The following ADARB2 variants were observed in gnomAD, a reference collection of about 807,000 sequenced individuals.
The protein encoded by ADARB2 is adenosine deaminase RNA specific B2 (inactive), also known as inactive double-stranded RNA-specific editase B2.
Under a neutral mutation model 62.2 loss-of-function variants are expected in ADARB2, and 25 were observed. The observed-to-expected ratio is 0.40, with a 90% CI of 0.29 to 0.56. The LOEUF (loss-of-function observed/expected upper bound fraction) is 0.56. Ranked by LOEUF, ADARB2 falls within the 20% of genes least tolerant of loss-of-function variation. The probability of loss-of-function intolerance (pLI) is 0.43; values close to 1 mark genes in which losing one functional copy is unlikely to be tolerated. For synonymous variants in ADARB2, 572 were observed against 500.8 expected, an observed-to-expected ratio of 1.14 and a Z score of -1.90; for missense variants, 1,071 against 1,077.4, an observed-to-expected ratio of 0.99 and a Z score of 0.08.
At chr10:1,644,139 T>C (rs1834008567) in intron 1 of ADARB2, among the ~76,000 whole-genome samples, 1 of 152,152 alleles carries the variant, frequency 6.6e-6, no homozygotes, top group Admixed American at 6.5e-5. Flanking sequence ...ATGATCAAAT[T>C]CCCTCTGTCA....
intron 6 of ADARB2, among the ~76,000 whole-genome samples, chr10:1,219,623 A>G (rs530184284): frequency 6.6e-6 from 1 of 152,340 alleles, no homozygotes; most frequent in South Asian, 2.1e-4. Context: ...TTCCCCAGAT[A>G]AAGCACAAAT....
intron 1 of ADARB2, among the ~76,000 whole-genome samples, chr10:1,725,672 C>G (rs1171155093): frequency 2.0e-5 from 3 of 152,236 alleles, no homozygotes; most frequent in Non-Finnish European, 4.4e-5. Context: ...ACTTCCAGGA[C>G]AGAAGGCCAC....
In ADARB2 at chr10:1,202,180, C is replaced by T. The variant is rs376429362; in HGVS notation, c.1683-2033G>A. On this transcript the variant is annotated intron_variant, in intron 7 of 9. Coordinates refer to ENST00000381312, the MANE Select transcript of ADARB2 (RefSeq NM_018702.4). The stretch of plus-strand genomic sequence containing the variant: ...TTGGTCTTGAACTCCTGGGCTCAAG[C>T]GATCCTCCCACCTCAGCCTCCTTAA... Among the ~76,000 whole-genome samples the T allele has an allele frequency of 3.3e-4, 50 of 151,810 alleles. 1 individual carries two copies. Among genetic ancestry groups the T allele is most frequent in the East Asian group, 2.3e-3 (12 of 5,172 alleles).
chr10:1,267,969 T>C (rs1831222568), intron 4 of ADARB2, among the ~76,000 whole-genome samples: 1 of 152,174 alleles, frequency 6.6e-6, no homozygotes, highest in South Asian at 2.1e-4. Context: ...GGTGTAAAGA[T>C]GTAACACGTA....
rs1205824365 is a variant in ADARB2 at position 1,654,650 on chromosome 10, C to A, written c.100+82401G>T. 4.6e-5 allele frequency among the ~76,000 whole-genome samples: 7 copies of A among 152,262 alleles called. No individual in the cohort carries two copies. In the East Asian group the frequency reaches 1.3e-3, roughly 29 times the overall value. On this transcript the variant is annotated intron_variant, in intron 1 of 9. Transcript: ENST00000381312. ...TGCCAGGGCGGGGCTTTCCTGTTTC[C>A]TTTGGTTCTGTCAGATCCCAGCATG...
In ADARB2 at chr10:1,210,963, C is replaced by T. The variant is rs938378779; in HGVS notation, c.1682+5988G>A. Among the ~76,000 whole-genome samples the T allele has an allele frequency of 3.7e-4, 56 of 152,326 alleles. 1 individual carries two copies. The highest frequency in any genetic ancestry group is 1.3e-3 in the African/African-American group (55 of 41,586). ...GCACCTGGGCAACGCGGAGGCTGTA[C>T]TTGCCAGCCTGTGCCAGGGAGGCTC... On this transcript the variant is annotated intron_variant, in intron 7 of 9. Transcript: ENST00000381312.
chr10:1,581,335 G>C (rs1455753411), intron 1 of ADARB2, among the ~76,000 whole-genome samples: 7 of 152,244 alleles, frequency 4.6e-5, no homozygotes, highest in Admixed American at 2.6e-4. Context: ...CACTGGAGCT[G>C]GGTTTCTAGG....
intron 1 of ADARB2, among the ~76,000 whole-genome samples, chr10:1,471,821 G>A (rs548800755): frequency 6.6e-6 from 1 of 152,292 alleles, no homozygotes; most frequent in South Asian, 2.1e-4. Flanking sequence ...GTGCCTTCAC[G>A]AATTTATGGC....
At chr10:1,400,386 C>T (rs912780987) in intron 1 of ADARB2, among the ~76,000 whole-genome samples, 1 of 152,236 alleles carries the variant, frequency 6.6e-6, no homozygotes, top group Non-Finnish European at 1.5e-5. Context: ...GAGTGAGACA[C>T]ATCGTGGTGA....
intron 1 of ADARB2, among the ~76,000 whole-genome samples, chr10:1,602,814 T>G (rs998125393): frequency 2.0e-5 from 3 of 149,142 alleles, no homozygotes; most frequent in Non-Finnish European, 4.4e-5. Context: ...CACCTGTACA[T>G]CCACACACAT....
Position 1,416,003 on chromosome 10 carries a change from A to G in ADARB2, c.101-36843T>C, listed in dbSNP as rs567596360. 9.8e-5 allele frequency among the ~76,000 whole-genome samples: 15 copies of G among 152,350 alleles called. No homozygotes were observed. The South Asian group carries it at 3.1e-3, about 32-fold the overall frequency. ...TGAATATCTCTAGACCACTCCATAA[A>G]TGGGAAATAACAATAGGACCAAACT... On this transcript the variant is annotated intron_variant, in intron 1 of 9. Coordinates refer to ENST00000381312, the MANE Select transcript of ADARB2 (RefSeq NM_018702.4).
At chr10:1,230,696 T>G (rs1473025106) in intron 6 of ADARB2, among the ~76,000 whole-genome samples, 1 of 152,136 alleles carries the variant, frequency 6.6e-6, no homozygotes, top group Non-Finnish European at 1.5e-5. Context: ...TGAGTTCTCC[T>G]GCCTTTACTG....
chr10:1,421,063 G>A (rs1032592785), intron 1 of ADARB2, among the ~76,000 whole-genome samples: 6 of 151,970 alleles, frequency 3.9e-5, no homozygotes, highest in South Asian at 2.1e-4. Flanking sequence ...GGAGCTCGAA[G>A]CTCTCCCGCC....
chr10:1,536,035 C>T (rs1832327851), intron 1 of ADARB2, among the ~76,000 whole-genome samples: 1 of 152,112 alleles, frequency 6.6e-6, no homozygotes, highest in Non-Finnish European at 1.5e-5. Flanking sequence ...ACAGAGATCC[C>T]GGCCCATCAA....
At chr10:1,421,498 A>T (rs963067411) in intron 1 of ADARB2, among the ~76,000 whole-genome samples, 10 of 151,990 alleles carry the variant, frequency 6.6e-5, no homozygotes, top group Admixed American at 5.9e-4. Context: ...ATTCTCTTTC[A>T]TTACAGAGTC....
chr10:1,282,384 A>G (rs1311654870), intron 3 of ADARB2, among the ~76,000 whole-genome samples: 2 of 152,122 alleles, frequency 1.3e-5, no homozygotes, highest in East Asian at 1.9e-4. Context: ...AACTGTGTCT[A>G]CTGTGCCACA....
intron 3 of ADARB2, among the ~76,000 whole-genome samples, chr10:1,301,493 C>T (rs1165679357): frequency 6.6e-6 from 1 of 152,084 alleles, no homozygotes; most frequent in Non-Finnish European, 1.5e-5. Flanking sequence ...CAATCAATGC[C>T]CAATATAAAA....
intron 1 of ADARB2, among the ~76,000 whole-genome samples, chr10:1,695,879 G>GAC (rs545147567): frequency 2.0e-5 from 3 of 152,164 alleles, no homozygotes; most frequent in East Asian, 3.9e-4. Flanking sequence ...CATGCATGAG[G>GAC]ACACACACAT....
At chr10:1,672,343 CG>C (rs1468176345) in intron 1 of ADARB2, among the ~76,000 whole-genome samples, 1 of 152,156 alleles carries the variant, frequency 6.6e-6, no homozygotes. Flanking sequence ...AAACACCACG[CG>C]GGCTCGTAAT....
Sources: gnomAD v4.1 joint callset for allele counts (sites outside exome capture counted in the v4.1 genomes callset) on GRCh38, gnomAD v4.1.1 for gene constraint, MANE v1.5 for transcripts, NCBI Gene and HGNC (gene_info 2026-07-23, HGNC 2026-07-21) for gene names.